Variants in GPM6B observed in about 807,000 individuals in gnomAD.
The protein encoded by GPM6B is glycoprotein M6B.
Under a neutral mutation model 27.2 loss-of-function variants are expected in GPM6B, and 4 were observed. That is an observed-to-expected ratio of 0.15 (90% CI 0.07 to 0.34). The LOEUF is 0.34. Among genes scored for constraint, GPM6B ranks in the 10% least tolerant of loss-of-function variants. GPM6B has a pLI of 1.00. For missense variants in GPM6B, 183 were observed against 261.9 expected (o/e 0.70, Z 2.08); for synonymous variants, 124 against 103.1 (o/e 1.20, Z -1.23).
intron 1 of GPM6B, among the ~76,000 whole-genome samples, chrX:13,845,114 C>T (rs2049630092): frequency 9.1e-6 from 1 of 109,374 alleles, no homozygotes; most frequent in African/African-American, 3.3e-5. Flanking sequence ...CTCAGCCTCC[C>T]GAGTAGCTGG....
chrX:13,884,937 C>A (rs918035579), intron 1 of GPM6B, among the ~76,000 whole-genome samples: 1 of 112,080 alleles, frequency 8.9e-6, no homozygotes, highest in Non-Finnish European at 1.9e-5. Context: ...CCCAACAGAG[C>A]ACACGGCCTG....
At chrX:13,808,440 C>G (rs997562458) in intron 1 of GPM6B, among the ~76,000 whole-genome samples, 2 of 112,088 alleles carry the variant, frequency 1.8e-5, no homozygotes, top group East Asian at 2.8e-4. Context: ...TCCCTGAGGA[C>G]TCAGGTCTCT....
At chrX:13,894,480 G>GT (rs989795970) in intron 1 of GPM6B, among the ~76,000 whole-genome samples, 5 of 112,311 alleles carry the variant, frequency 4.5e-5, no homozygotes, top group African/African-American at 1.3e-4. Flanking sequence ...TATAAGGCAG[G>GT]TTTTTTCAGC....
In GPM6B at chrX:13,775,362, T is replaced by C. The variant is rs556444411; in HGVS notation, c.837+876A>G. Among the ~76,000 whole-genome samples, 74 of 113,237 alleles carry C rather than the reference T, an allele frequency of 6.5e-4. No individual in the cohort carries two copies. The South Asian group carries it at 0.024, about 37-fold the overall frequency. On this transcript the variant is annotated intron_variant, in intron 7 of 7. Transcript: ENST00000316715. ...GTTGCCCGGTATGCACATTCCCAGCTGAGGCTGAACAAGGCAATACTCTGC... is the reference window on the plus strand; with the variant it reads ...GTTGCCCGGTATGCACATTCCCAGCCGAGGCTGAACAAGGCAATACTCTGC...
At chrX:13,934,635 G>T (rs1365919864) in intron 1 of GPM6B, among the ~76,000 whole-genome samples, 1 of 112,048 alleles carries the variant, frequency 8.9e-6, no homozygotes. Context: ...CACTTCTGAT[G>T]CTGGCTTCAT....
At chrX:13,796,184 C>G (rs2048812688) in intron 2 of GPM6B, among the ~76,000 whole-genome samples, 1 of 111,662 alleles carries the variant, frequency 9.0e-6, no homozygotes, top group South Asian at 3.8e-4. Context: ...CTCGGCCTCC[C>G]AAAGTGCTGA....
chrX:13,837,724 G>GGGGC lies in GPM6B; in HGVS notation c.-197-51917_-197-51916insGCCC, dbSNP rs1569247870. ...AAGCAAGTTGGTGGGGGGGGGGGGG[G>GGGGC]GGGGAAGCAGAGGGGAAAGCAAAGC... is the stretch of plus-strand genomic sequence containing the variant. On this transcript the variant is annotated intron_variant, in intron 1 of 6. Coordinates refer to the GPM6B transcript ENST00000398361. Among the ~76,000 whole-genome samples, 88 of 32,868 alleles carry GGGGC rather than the reference G, an allele frequency of 2.7e-3. 11 individuals are homozygous for GGGGC. Among genetic ancestry groups the GGGGC allele is most frequent in the East Asian group, 6.7e-3 (6 of 889 alleles). The allele number at this position is 32,868 out of a possible 115,157, so 28.5% of individuals were successfully genotyped here. A position where few individuals can be genotyped will look rare whatever the true frequency, so the allele number is the denominator to read the frequency against.
At position 13,837,568 on chromosome X, in the gene GPM6B, C is replaced by A. The variant is rs764635481; in HGVS notation, c.-197-51760G>T. Among the ~76,000 whole-genome samples the A allele has an allele frequency of 9.9e-5, 11 of 111,271 alleles. No individual in the cohort carries two copies. In the South Asian group the frequency reaches 2.3e-3, roughly 23 times the overall value. On this transcript the variant is annotated intron_variant, in intron 1 of 6. Transcript: ENST00000398361. The stretch of plus-strand genomic sequence containing the variant: ...AAACCCCGAACCCTCATAATGCCAC[C>A]TTCTCCTCTCTTTATCATCATTCAT...
intron 2 of GPM6B, among the ~76,000 whole-genome samples, chrX:13,799,398 TA>T (rs1224089420): frequency 1.3e-4 from 11 of 87,931 alleles, no homozygotes; most frequent in South Asian, 1.4e-3. Flanking sequence ...TTATTATTAT[TA>T]TTATTTTTTT....
At chrX:13,789,313 A>G (rs1412643386) in intron 2 of GPM6B, among the ~76,000 whole-genome samples, 1 of 112,047 alleles carries the variant, frequency 8.9e-6, no homozygotes, top group East Asian at 2.8e-4. Flanking sequence ...TGGGCAATTT[A>G]GTCACATATC....
At chrX:13,815,623 AT>A (rs2049220449) in intron 1 of GPM6B, among the ~76,000 whole-genome samples, 1 of 111,818 alleles carries the variant, frequency 8.9e-6, no homozygotes, top group Non-Finnish European at 1.9e-5. Context: ...TGTTATGTGT[AT>A]TGTGTGATAC....
At chrX:13,815,034 G>A (rs1489947305) in intron 1 of GPM6B, among the ~76,000 whole-genome samples, 2 of 111,914 alleles carry the variant, frequency 1.8e-5, no homozygotes, top group African/African-American at 6.5e-5. Flanking sequence ...TGTCAGGGAT[G>A]TACTAGCAAC....
At chrX:13,880,126 C>T (rs1257451494) in intron 1 of GPM6B, among the ~76,000 whole-genome samples, 2 of 111,752 alleles carry the variant, frequency 1.8e-5, no homozygotes, top group South Asian at 3.7e-4. Flanking sequence ...TAGGAATGTG[C>T]GAGCATGTGC....
At chrX:13,925,924 G>A (rs1025790247) in intron 1 of GPM6B, among the ~76,000 whole-genome samples, 22 of 107,011 alleles carry the variant, frequency 2.1e-4, no homozygotes, top group African/African-American at 2.7e-4. Context: ...GCATGGTGGC[G>A]GGCGCCTGTA....
intron 1 of GPM6B, among the ~76,000 whole-genome samples, chrX:13,888,190 G>C (rs1301104262): frequency 8.9e-6 from 1 of 112,208 alleles, no homozygotes; most frequent in Non-Finnish European, 1.9e-5. Flanking sequence ...ATTTCTTTAT[G>C]CAGCCAGGGC....
intron 1 of GPM6B, among the ~76,000 whole-genome samples, chrX:13,926,429 A>T (rs201212032): frequency 2.0e-4 from 21 of 105,772 alleles, no homozygotes; most frequent in Admixed American, 1.2e-3. Flanking sequence ...AACAAACAAA[A>T]AAAAAAAACA....
intron 1 of GPM6B, among the ~76,000 whole-genome samples, chrX:13,905,325 C>T (rs1176577338): frequency 1.8e-5 from 2 of 110,312 alleles, no homozygotes; most frequent in Admixed American, 9.7e-5. Context: ...TGTGCTATGG[C>T]CTCCAGCATA....
At chrX:13,831,152 A>G (rs1488046261) in intron 1 of GPM6B, among the ~76,000 whole-genome samples, 5 of 103,288 alleles carry the variant, frequency 4.8e-5, no homozygotes, top group Non-Finnish European at 3.9e-5. Flanking sequence ...ATATATGGTG[A>G]GTAAAGGGAT....
intron 1 of GPM6B, among the ~76,000 whole-genome samples, chrX:13,846,726 C>G (rs780161349): frequency 9.4e-6 from 1 of 106,616 alleles, no homozygotes; most frequent in Admixed American, 1.0e-4. Flanking sequence ...ATCTCCTGAC[C>G]TTATGATCCA....
Sources: allele counts gnomAD v4.1 joint callset (sites outside exome capture counted in the v4.1 genomes callset), GRCh38; gene constraint gnomAD v4.1.1; transcripts MANE v1.5; gene names NCBI Gene and HGNC (gene_info 2026-07-23, HGNC 2026-07-21).